POMZP3: variants seen among roughly 807,000 people sequenced by gnomAD.
POMZP3 encodes the protein POM121 and ZP3 fusion.
Under a neutral mutation model 19.8 loss-of-function variants are expected in POMZP3, and 10 were observed. The ratio of observed to expected loss-of-function variants is 0.51; its 90% CI spans 0.31 to 0.86. POMZP3 has a LOEUF of 0.86. Ranked by LOEUF, POMZP3 falls within the 40% of genes least tolerant of loss-of-function variation. The probability of loss-of-function intolerance (pLI) is 0.04; values close to 1 mark genes in which losing one functional copy is unlikely to be tolerated. For missense variants in POMZP3, 152 were observed against 228.1 expected (o/e 0.67, Z 2.15); for synonymous variants, 57 against 85.8 (o/e 0.66, Z 1.85).
chr7:76,624,013 TGAG>T (rs918095469), intron 3 of POMZP3, among the ~76,000 whole-genome samples: 22 of 143,706 alleles, frequency 1.5e-4, no homozygotes, highest in African/African-American at 5.8e-4. Flanking sequence ...AAAAAAGTTA[TGAG>T]GATGTATTTT....
rs147422034 is a variant in POMZP3 at position 76,620,411 on chromosome 7, G to A, written c.228-2111C>T. Among the ~76,000 whole-genome samples, 348 of 130,704 alleles carry A rather than the reference G, an allele frequency of 2.7e-3. 3 individuals are homozygous for A. Among genetic ancestry groups the A allele is most frequent in the African/African-American group, 9.0e-3 (296 of 32,734 alleles). The allele number at this position is 130,704 out of a possible 152,430, so 85.7% of individuals were successfully genotyped here. ...TTGCAAACTTTTCAGATGAATGAAC[G>A]GTGAGCACACGTACCTTATTTTAGA... On this transcript the variant is annotated intron_variant, in intron 3 of 6. Transcript: ENST00000310842.
rs1563807631 is a variant in POMZP3 at position 76,626,816 on chromosome 7, C to A, written c.-260G>T. 3 of 855,662 alleles carry A rather than the reference C, an allele frequency of 3.5e-6. No homozygotes were observed. Among genetic ancestry groups the A allele is most frequent in the East Asian group, 3.2e-5 (1 of 31,492 alleles). 53.0% of individuals were successfully genotyped at this position (855,662 alleles called of 1,614,324 possible). A position where few individuals can be genotyped will look rare whatever the true frequency, so the allele number is the denominator to read the frequency against. ...GGGCGGTGTGGAGCGCGGCGCCGGG[C>A]GGGCGGGCGGCGGCCAGGCCTATTC... is the stretch of plus-strand genomic sequence containing the variant. On this transcript the variant is annotated 5_prime_UTR_variant, in exon 1 of 7. Coordinates refer to ENST00000310842, the MANE Select transcript of POMZP3 (RefSeq NM_012230.5).
At chr7:76,610,383 G>C (rs978205135) in intron 6 of POMZP3, among the ~76,000 whole-genome samples, 168 bp from the exon 7 acceptor site, 1 of 152,130 alleles carries the variant, frequency 6.6e-6, no homozygotes, top group Non-Finnish European at 1.5e-5. Context: ...AGGTGTGATG[G>C]CTTATGCCTG....
intron 6 of POMZP3, among the ~76,000 whole-genome samples, chr7:76,610,805 C>T (rs1584336668): frequency 1.3e-5 from 2 of 150,210 alleles, no homozygotes; most frequent in South Asian, 2.1e-4. Flanking sequence ...GGGGCTCAAG[C>T]GATTTCCCTG....
At position 76,625,663 on chromosome 7, in the gene POMZP3, G is replaced by A; in HGVS notation, c.86C>T (p.Ser29Leu). ...RSAIPEQIISSTLSSPSSNAP... is the reference protein window; with the variant it reads ...RSAIPEQIISLTLSSPSSNAP... ...ATTACTTGATGGTGAGGACAGTGTT[G>A]AGCTGATTATCTGCTCTGGTCTATA... Residue 29 changes from serine (S) to leucine (L), a missense_variant, in exon 3 of 7, where the codon TCA becomes TTA. Coordinates refer to ENST00000310842, the MANE Select transcript of POMZP3 (RefSeq NM_012230.5). 1.2e-6 allele frequency: 2 copies of A among 1,613,848 alleles called. No homozygotes were observed. Among genetic ancestry groups the A allele is most frequent in the Non-Finnish European group, 1.7e-6 (2 of 1,179,826 alleles).
intron 4 of POMZP3, among the ~76,000 whole-genome samples, chr7:76,616,436 A>G (rs1815293000): frequency 1.0e-5 from 1 of 99,644 alleles, no homozygotes; most frequent in Non-Finnish European, 2.2e-5. Flanking sequence ...AGACTCTACA[A>G]TCAGTATTTT....
intron 3 of POMZP3, among the ~76,000 whole-genome samples, chr7:76,618,953 G>C (rs1009842915): frequency 6.6e-6 from 1 of 152,050 alleles, no homozygotes; most frequent in African/African-American, 2.4e-5. Context: ...ATGTCAGGCC[G>C]ATTTTTGTAT....
intron 3 of POMZP3, among the ~76,000 whole-genome samples, chr7:76,619,328 CA>C (rs1002201698): frequency 2.8e-4 from 43 of 152,222 alleles, no homozygotes; most frequent in Middle Eastern, 3.4e-3. Flanking sequence ...GCAGAGGTTG[CA>C]GTGAGCCGAG....
intron 3 of POMZP3, among the ~76,000 whole-genome samples, chr7:76,623,427 T>A (rs1610541): frequency 6.9e-6 from 1 of 144,806 alleles, no homozygotes; most frequent in South Asian, 2.3e-4. Context: ...CAGTTCTTGT[T>A]GCTCCTGTGG....
At chr7:76,625,835 C>G (rs1815857573) in intron 2 of POMZP3, 152 bp from the exon 3 acceptor site, 1 of 1,341,906 alleles carries the variant, frequency 7.5e-7, no homozygotes, top group Admixed American at 2.4e-5. Flanking sequence ...TCGTTAACGG[C>G]AAAAAGTGAA....
At position 76,611,494 on chromosome 7, in the gene POMZP3, T is replaced by C; in HGVS notation, c.535A>G (p.Ser179Gly). The change falls in exon 6 of 7, where the codon AGC becomes GGC. Residue 179 changes from serine (S) to glycine (G), a missense_variant. Physicochemically the swap from Ser to Gly is moderately conservative, Grantham distance 56 (BLOSUM62 0). Coordinates refer to ENST00000310842, the MANE Select transcript of POMZP3 (RefSeq NM_012230.5). ...SHSRRQPRVV[S>G]QWSTSASL ...AGGGAAGCAGACGTGGACCACTGGC[T>C]CACGACACGAGGCTGCCTCCTGGAA... The C allele has an allele frequency of 6.2e-7, 1 of 1,604,384 alleles. No individual in the cohort carries two copies. The highest frequency in any genetic ancestry group is 8.5e-7 in the Non-Finnish European group (1 of 1,172,096).
Position 76,627,134 on chromosome 7 carries a change from C to A in POMZP3, c.-578G>T, listed in dbSNP as rs1052627126. Reference sequence around the variant, plus strand: ...CAGGCCAGCGCAGCCGCAGCAGGCACGAGGTACAGTAGGAGGCCGACCAGC... The same window carrying A: ...CAGGCCAGCGCAGCCGCAGCAGGCAAGAGGTACAGTAGGAGGCCGACCAGC... On this transcript the variant is annotated 5_prime_UTR_variant, in exon 1 of 7. Coordinates refer to ENST00000310842, the MANE Select transcript of POMZP3 (RefSeq NM_012230.5). 5.6e-6 allele frequency: 8 copies of A among 1,438,832 alleles called. No individual in the cohort carries two copies. In the African/African-American group the frequency reaches 5.8e-5, roughly 10 times the overall value. The allele number at this position is 1,438,832 out of a possible 1,614,324, so 89.1% of individuals were successfully genotyped here. A position where few individuals can be genotyped will look rare whatever the true frequency, so the allele number is the denominator to read the frequency against.
chr7:76,626,640 G>C (rs947779181), intron 1 of POMZP3, 68 bp downstream of exon 1: 34 of 1,331,966 alleles, frequency 2.6e-5, no homozygotes, highest in Non-Finnish European at 3.2e-5. Flanking sequence ...AAGCAAATCG[G>C]ATTTAAAAGT....
intron 3 of POMZP3, among the ~76,000 whole-genome samples, chr7:76,620,564 T>C (rs1007462844): frequency 1.3e-5 from 2 of 151,470 alleles, no homozygotes; most frequent in African/African-American, 4.9e-5. Flanking sequence ...ACCTCCCATA[T>C]TCAAGTGATT....
chr7:76,618,680 T>C (rs905442085), intron 3 of POMZP3: 4 of 200,274 alleles, frequency 2.0e-5, no homozygotes, highest in Admixed American at 1.1e-4. Context: ...TATGCACCCA[T>C]TTGTGTTTTT....
At chr7:76,618,672 T>C (rs1045294652) in intron 3 of POMZP3, 2 of 205,712 alleles carry the variant, frequency 9.7e-6, no homozygotes, top group African/African-American at 2.3e-5. Flanking sequence ...TATGAGAATA[T>C]GCACCCATTT....
At chr7:76,619,726 T>G (rs547692009) in intron 3 of POMZP3, among the ~76,000 whole-genome samples, 6,537 of 131,458 alleles carry the variant, frequency 0.05, 464 homozygotes, top group African/African-American at 0.19. Flanking sequence ...AAATGGGGAG[T>G]GGTGTTGAGC....
chr7:76,619,911 T>G (rs1815460561), intron 3 of POMZP3, among the ~76,000 whole-genome samples: 1 of 94,246 alleles, frequency 1.1e-5, no homozygotes, highest in Non-Finnish European at 2.1e-5. Flanking sequence ...CCCAGCTACT[T>G]GGGAGACTGA....
At chr7:76,623,986 AAGT>A (rs1815715896) in intron 3 of POMZP3, among the ~76,000 whole-genome samples, 1 of 145,092 alleles carries the variant, frequency 6.9e-6, no homozygotes, top group Non-Finnish European at 1.5e-5. Context: ...GAAGGCCAGT[AAGT>A]AGGAGAGACG....
Sources: allele counts gnomAD v4.1 joint callset (sites outside exome capture counted in the v4.1 genomes callset), GRCh38; gene constraint gnomAD v4.1.1; transcripts MANE v1.5; gene names NCBI Gene and HGNC (gene_info 2026-07-23, HGNC 2026-07-21).